The following MMAA variants were observed in gnomAD, a reference collection of about 807,000 sequenced individuals.
MMAA encodes the protein methylmalonic aciduria type A protein, mitochondrial.
Under a neutral mutation model 45.0 loss-of-function variants are expected in MMAA, and 41 were observed. The ratio of observed to expected loss-of-function variants is 0.91; its 90% CI spans 0.71 to 1.18. The LOEUF (loss-of-function observed/expected upper bound fraction) is 1.18, where lower values mean the gene tolerates loss of function less well. Ranked by LOEUF, MMAA falls within the 50% of genes most tolerant of loss-of-function variation. MMAA has a pLI of 0.00. For synonymous variants in MMAA, 154 were observed against 178.2 expected (o/e 0.86, Z 1.08); for missense variants, 460 against 495.7 (o/e 0.93, Z 0.68).
chr4:145,656,920 T>A lies in MMAA; in HGVS notation c.*1486T>A, dbSNP rs1728249245. ...TGGCATAGCTATTTCATACAAGGATTAGGAGAAACTTTGAAAGGTTATCCA... is the reference window on the plus strand; with the variant it reads ...TGGCATAGCTATTTCATACAAGGATAAGGAGAAACTTTGAAAGGTTATCCA... On this transcript the variant is annotated 3_prime_UTR_variant, in exon 7 of 7. Transcript: ENST00000649156. The A allele has an allele frequency of 2.6e-5, 4 of 152,222 alleles. No individual in the cohort carries two copies. Among genetic ancestry groups the A allele is most frequent in the Non-Finnish European group, 5.9e-5 (4 of 68,020 alleles). The allele number at this position is 152,222 out of a possible 1,614,324, so 9.4% of individuals were successfully genotyped here. A position where few individuals can be genotyped will look rare whatever the true frequency, so the allele number is the denominator to read the frequency against.
chr4:145,625,935 A>G (rs953717431), intron 1 of MMAA: 14 of 1,592,522 alleles, frequency 8.8e-6, no homozygotes, highest in Admixed American at 8.4e-5. Flanking sequence ...AGCCTGGAGA[A>G]CTCCACCAAT....
intron 2 of MMAA, among the ~76,000 whole-genome samples, chr4:145,641,785 C>T (rs568761900): frequency 6.6e-6 from 1 of 152,308 alleles, no homozygotes; most frequent in Admixed American, 6.5e-5. Flanking sequence ...TCTTACCGGC[C>T]GTGCACTGCC....
Position 145,642,452 on chromosome 4 carries a change from C to A in MMAA, c.529C>A (p.Leu177Ile). ...TGAGAGAGGGCACAAATTATCTGTG[C>A]TAGCTGTGGACCCTTCTTCTTGTAC... ...LTERGHKLSV[L>I]AVDPSSCTSG... Residue 177 changes from leucine (L) to isoleucine (I), a missense_variant, in exon 3 of 7, where the codon CTA (leucine) becomes ATA (isoleucine). Transcript: ENST00000649156. 2 of 1,614,132 alleles carry A rather than the reference C, an allele frequency of 1.2e-6. No individual in the cohort carries two copies. The highest frequency in any genetic ancestry group is 1.7e-6 in the Non-Finnish European group (2 of 1,180,006).
intron 1 of MMAA, among the ~76,000 whole-genome samples, chr4:145,638,188 T>C (rs1043633145): frequency 2.0e-5 from 3 of 152,000 alleles, no homozygotes; most frequent in African/African-American, 7.3e-5. Flanking sequence ...GCTAACACAG[T>C]GAAACCCTGT....
chr4:145,621,125 C>T (rs963395927), intron 1 of MMAA, among the ~76,000 whole-genome samples: 1 of 152,182 alleles, frequency 6.6e-6, no homozygotes, highest in African/African-American at 2.4e-5. Flanking sequence ...GGCCCTGTGC[C>T]AGGCTCTCTC....
chr4:145,628,574 G>A (rs1039222772), intron 1 of MMAA, among the ~76,000 whole-genome samples: 3 of 152,086 alleles, frequency 2.0e-5, no homozygotes, highest in African/African-American at 7.2e-5. Flanking sequence ...CATATTAAAG[G>A]ACATTGGTGA....
chr4:145,643,256 A>G (rs751491765), intron 3 of MMAA, among the ~76,000 whole-genome samples: 20 of 152,194 alleles, frequency 1.3e-4, no homozygotes, highest in Non-Finnish European at 2.5e-4. Context: ...CAAGTATTTG[A>G]GTGCCTACTA....
chr4:145,643,205 C>CT (rs1727834591), intron 3 of MMAA, among the ~76,000 whole-genome samples: 1 of 152,310 alleles, frequency 6.6e-6, no homozygotes, highest in South Asian at 2.1e-4. Flanking sequence ...CCTTACCCCT[C>CT]TTTATGATTT....
chr4:145,626,696 T>G (rs566582920), intron 1 of MMAA, among the ~76,000 whole-genome samples: 1 of 152,360 alleles, frequency 6.6e-6, no homozygotes, highest in Admixed American at 6.5e-5. Context: ...TCTGAGGCCT[T>G]GGTGAATCAG....
At chr4:145,643,278 T>G (rs1270974975) in intron 3 of MMAA, among the ~76,000 whole-genome samples, 1 of 152,204 alleles carries the variant, frequency 6.6e-6, no homozygotes, top group Middle Eastern at 3.2e-3. Flanking sequence ...AGGTGAGGCA[T>G]TGTACATGGA....
Position 145,657,120 on chromosome 4 carries a change from T to TA in MMAA, c.*1687dup, listed in dbSNP as rs1375999852. 5.3e-5 allele frequency: 8 copies of TA among 152,316 alleles called. No individual in the cohort carries two copies. The highest frequency in any genetic ancestry group is 1.9e-4 in the African/African-American group (8 of 41,572). 9.4% of individuals were successfully genotyped at this position (152,316 alleles called of 1,614,324 possible). ...AGTGTAAGTAATGCTGGAGCACACA[T>TA]ACTGCATTGTAAAGAAGGTAGGAAA... On this transcript the variant is annotated 3_prime_UTR_variant, in exon 7 of 7. Transcript: ENST00000649156.
chr4:145,648,829 TAAAA>T (rs935835328), intron 4 of MMAA, among the ~76,000 whole-genome samples: 1 of 150,892 alleles, frequency 6.6e-6, no homozygotes, highest in East Asian at 2.0e-4. Context: ...TACAGAAAAA[TAAAA>T]AAATTAGCTG....
chr4:145,646,853 G>A (rs181593121), intron 4 of MMAA, among the ~76,000 whole-genome samples: 59 of 152,338 alleles, frequency 3.9e-4, no homozygotes, highest in Non-Finnish European at 6.3e-4. Flanking sequence ...GATACTTAGA[G>A]CAAAGAGTGT....
chr4:145,647,477 T>C (rs1398104368), intron 4 of MMAA, among the ~76,000 whole-genome samples: 2 of 152,212 alleles, frequency 1.3e-5, no homozygotes, highest in African/African-American at 4.8e-5. Context: ...AAATGGAAGA[T>C]ATTTATATTA....
At position 145,639,284 on chromosome 4, in the gene MMAA, C is replaced by G. The variant is rs991910272; in HGVS notation, c.145C>G (p.Leu49Val). The G allele has an allele frequency of 1.9e-6, 3 of 1,614,182 alleles. No homozygotes were observed. Among genetic ancestry groups the G allele is most frequent in the East Asian group, 2.2e-5 (1 of 44,886 alleles). Reference sequence around the variant, plus strand: ...TGCTCAGCCGTTTAATTCTCTTGGACTCCATTGTACAAAGTGGATGCTGCT... The same window carrying G: ...TGCTCAGCCGTTTAATTCTCTTGGAGTCCATTGTACAAAGTGGATGCTGCT... The part of the protein sequence containing the change: ...PCAQPFNSLG[L>V]HCTKWMLLSD... Residue 49 changes from leucine (L) to valine (V), a missense_variant, in exon 2 of 7, where the codon CTC (leucine) becomes GTC (valine). Physicochemically the swap from Leu to Val is conservative, Grantham distance 32 (BLOSUM62 1). Coordinates refer to ENST00000649156, the MANE Select transcript of MMAA (RefSeq NM_172250.3).
chr4:145,635,325 AG>A (rs1244544311), intron 1 of MMAA, among the ~76,000 whole-genome samples: 1 of 152,060 alleles, frequency 6.6e-6, no homozygotes, highest in Non-Finnish European at 1.5e-5. Context: ...GTGCCAGCTG[AG>A]TTTTTCAGGT....
At chr4:145,624,273 T>C (rs1734151088) in intron 1 of MMAA, 2 of 798,044 alleles carry the variant, frequency 2.5e-6, no homozygotes, top group Middle Eastern at 3.5e-4. Context: ...GGAAGTTATA[T>C]TCCTCCTGTA....
chr4:145,632,052 A>G (rs984190983), intron 1 of MMAA, among the ~76,000 whole-genome samples: 4 of 152,206 alleles, frequency 2.6e-5, no homozygotes, highest in African/African-American at 9.7e-5. Flanking sequence ...ACAGTAGTTT[A>G]TACACCACAG....
intron 2 of MMAA, among the ~76,000 whole-genome samples, chr4:145,641,429 G>A (rs955015273): frequency 1.3e-5 from 2 of 152,130 alleles, no homozygotes; most frequent in African/African-American, 4.8e-5. Context: ...CACCTAAAAA[G>A]GTGTTTAAGA....
Sources: gnomAD v4.1 joint callset for allele counts (sites outside exome capture counted in the v4.1 genomes callset) on GRCh38, gnomAD v4.1.1 for gene constraint, MANE v1.5 for transcripts, NCBI Gene and HGNC (gene_info 2026-07-23, HGNC 2026-07-21) for gene names.